CDK6: variants seen among roughly 807,000 people sequenced by gnomAD.
CDK6 encodes the protein cyclin dependent kinase 6.
A neutral mutation model predicts 37.1 loss-of-function variants in CDK6; 6 were observed. That is an observed-to-expected ratio of 0.16 (90% CI 0.09 to 0.32). The LOEUF (loss-of-function observed/expected upper bound fraction) is 0.32. CDK6 is among the 10% of genes least tolerant of loss of function. CDK6 has a pLI of 1.00. For synonymous variants in CDK6, 160 were observed against 161.3 expected (o/e 0.99, Z 0.06); for missense variants, 224 against 418.9 (o/e 0.53, Z 4.06).
chr7:92,800,398 CTT>C (rs1284502401), intron 2 of CDK6, among the ~76,000 whole-genome samples: 6 of 152,194 alleles, frequency 3.9e-5, no homozygotes, highest in East Asian at 1.9e-4. Context: ...TCGTTCTTCT[CTT>C]GTTTGGAGCC....
chr7:92,643,599 G>C (rs1028202848), intron 5 of CDK6, among the ~76,000 whole-genome samples: 1 of 152,210 alleles, frequency 6.6e-6, no homozygotes, highest in Non-Finnish European at 1.5e-5. Context: ...TGAAACAGAG[G>C]AGGCAGGCCT....
chr7:92,699,570 C>A (rs1235980847), intron 4 of CDK6, among the ~76,000 whole-genome samples: 1 of 152,232 alleles, frequency 6.6e-6, no homozygotes, highest in Admixed American at 6.5e-5. Context: ...ATCTGTACTA[C>A]TCTCACATAT....
At chr7:92,679,020 G>A (rs1797271834) in intron 4 of CDK6, among the ~76,000 whole-genome samples, 1 of 152,158 alleles carries the variant, frequency 6.6e-6, no homozygotes, top group Non-Finnish European at 1.5e-5. Flanking sequence ...CTAGGGCCTG[G>A]GAATGGTAAT....
intron 2 of CDK6, among the ~76,000 whole-genome samples, chr7:92,784,817 T>A (rs1800082534): frequency 1.3e-5 from 2 of 152,188 alleles, no homozygotes; most frequent in African/African-American, 4.8e-5. Context: ...ATTTATTGAA[T>A]AAATGAAATT....
At chr7:92,805,459 G>A (rs1800700467) in intron 2 of CDK6, among the ~76,000 whole-genome samples, 1 of 152,110 alleles carries the variant, frequency 6.6e-6, no homozygotes, top group South Asian at 2.1e-4. Context: ...CAAAATGAGT[G>A]AGCTCAAGAT....
At chr7:92,812,403 TTTAAA>T (rs1291043647) in intron 2 of CDK6, among the ~76,000 whole-genome samples, 1 of 151,054 alleles carries the variant, frequency 6.6e-6, no homozygotes, top group Non-Finnish European at 1.5e-5. Flanking sequence ...AGACTTTTAA[TTTAAA>T]TTTTCTCATT....
In CDK6 at chr7:92,813,335, TA is replaced by T. The variant is rs562255045; in HGVS notation, c.233+19755del. On this transcript the variant is annotated intron_variant, in intron 2 of 7. Transcript: ENST00000424848. ...GAAAGGGAATCATACTGCTTGCTTT[TA>T]AAAAAAAAATGCACCAAAGCTTTCT... Among the ~76,000 whole-genome samples, 192 of 149,960 alleles carry T rather than the reference TA, an allele frequency of 1.3e-3. 3 individuals carry two copies. The South Asian group carries it at 0.019, about 15-fold the overall frequency.
intron 2 of CDK6, among the ~76,000 whole-genome samples, chr7:92,815,111 T>C (rs1363390149): frequency 6.6e-6 from 1 of 152,184 alleles, no homozygotes; most frequent in Non-Finnish European, 1.5e-5. Flanking sequence ...TCTTCCCACA[T>C]TCAGGGGAGT....
At chr7:92,813,692 T>G (rs568712577) in intron 2 of CDK6, among the ~76,000 whole-genome samples, 1 of 152,198 alleles carries the variant, frequency 6.6e-6, no homozygotes, top group African/African-American at 2.4e-5. Context: ...TCCAGAAATA[T>G]GCTGACTTCA....
intron 4 of CDK6, among the ~76,000 whole-genome samples, chr7:92,719,887 C>T (rs1040678799): frequency 6.6e-6 from 1 of 152,146 alleles, no homozygotes; most frequent in Non-Finnish European, 1.5e-5. Context: ...TCAATACTGG[C>T]ATTGCCTTGG....
chr7:92,625,867 A>C (rs546876777), intron 5 of CDK6, among the ~76,000 whole-genome samples: 4 of 152,106 alleles, frequency 2.6e-5, no homozygotes, highest in Non-Finnish European at 5.9e-5. Context: ...AAGACAAGGA[A>C]GTCATGGGTT....
At chr7:92,625,149 T>C (rs1020824530) in intron 5 of CDK6, among the ~76,000 whole-genome samples, 8 of 151,496 alleles carry the variant, frequency 5.3e-5, no homozygotes, top group Non-Finnish European at 1.2e-4. Flanking sequence ...ATCAACTAAG[T>C]GAGATTATGA....
At chr7:92,693,163 A>G (rs1797635120) in intron 4 of CDK6, among the ~76,000 whole-genome samples, 2 of 152,202 alleles carry the variant, frequency 1.3e-5, no homozygotes, top group South Asian at 4.1e-4. Flanking sequence ...TTTGCAGGTT[A>G]CTATTTTCCC....
intron 5 of CDK6, among the ~76,000 whole-genome samples, chr7:92,657,972 T>C (rs549434844): frequency 2.2e-4 from 33 of 152,310 alleles, no homozygotes; most frequent in Non-Finnish European, 4.0e-4. Context: ...TTCTCCTGTT[T>C]TGGCCTTCCA....
intron 3 of CDK6, among the ~76,000 whole-genome samples, chr7:92,733,780 A>G (rs1798708091): frequency 6.6e-6 from 1 of 152,160 alleles, no homozygotes; most frequent in Non-Finnish European, 1.5e-5. Flanking sequence ...ATTATTAAAT[A>G]TTTAGAGTAA....
chr7:92,801,647 CTCTT>C (rs1479454532), intron 2 of CDK6, among the ~76,000 whole-genome samples: 2 of 150,888 alleles, frequency 1.3e-5, no homozygotes, highest in Non-Finnish European at 3.0e-5. Context: ...CCTCCCTTCT[CTCTT>C]TCTCTCTTTC....
At chr7:92,814,888 CAAAA>C (rs1800986886) in intron 2 of CDK6, among the ~76,000 whole-genome samples, 1 of 151,764 alleles carries the variant, frequency 6.6e-6, no homozygotes, top group Admixed American at 6.6e-5. Flanking sequence ...CCCTTCATTT[CAAAA>C]TCATTATTTT....
chr7:92,728,289 T>G (rs1798559814), intron 3 of CDK6, among the ~76,000 whole-genome samples: 1 of 152,176 alleles, frequency 6.6e-6, no homozygotes, highest in African/African-American at 2.4e-5. Flanking sequence ...TTAATATAAC[T>G]TTTTTTGTGT....
chr7:92,708,532 A>G (rs1402661430), intron 4 of CDK6, among the ~76,000 whole-genome samples: 1 of 152,206 alleles, frequency 6.6e-6, no homozygotes, highest in Non-Finnish European at 1.5e-5. Context: ...TATGTGGAGG[A>G]AAAAGGAGAA....
Sources: allele counts gnomAD v4.1 joint callset (sites outside exome capture counted in the v4.1 genomes callset), GRCh38; gene constraint gnomAD v4.1.1; transcripts MANE v1.5; gene names NCBI Gene and HGNC (gene_info 2026-07-23, HGNC 2026-07-21).